ETS1: variants seen among roughly 807,000 people sequenced by gnomAD.
ETS1 encodes protein C-ets-1.
In ETS1, 15 loss-of-function variants were observed where a neutral mutation model predicts 58.6. The observed-to-expected ratio is 0.26, with a 90% CI of 0.17 to 0.39. The LOEUF is 0.39. ETS1 is among the 10% of genes least tolerant of loss of function. ETS1 has a pLI of 1.00. For synonymous variants in ETS1, 214 were observed against 218.2 expected (o/e 0.98, Z 0.17); for missense variants, 417 against 610.5 (o/e 0.68, Z 3.34).
At chr11:128,552,134 A>T (rs964883052) in intron 3 of ETS1, among the ~76,000 whole-genome samples, 4 of 152,014 alleles carry the variant, frequency 2.6e-5, no homozygotes, top group African/African-American at 9.7e-5. Flanking sequence ...ATGCTTGGAG[A>T]ATCATTGGTA....
At chr11:128,475,556 C>CTT (rs35049593) in intron 8 of ETS1, among the ~76,000 whole-genome samples, 36,805 of 109,264 alleles carry the variant, frequency 0.34, 7,548 homozygotes, top group East Asian at 0.52. Flanking sequence ...ATGCACAGGG[C>CTT]TTTTTTTTTT....
chr11:128,568,126 T>G (rs955838473), intron 2 of ETS1, among the ~76,000 whole-genome samples: 1 of 152,182 alleles, frequency 6.6e-6, no homozygotes, highest in Non-Finnish European at 1.5e-5. Flanking sequence ...TCCCAAAGTC[T>G]GTGGCTCTGG....
intron 2 of ETS1, among the ~76,000 whole-genome samples, chr11:128,559,549 C>T (rs1864371807): frequency 2.0e-5 from 3 of 152,086 alleles, no homozygotes. Flanking sequence ...TGTAACTGTC[C>T]TCCGTGGAGC....
intron 3 of ETS1, among the ~76,000 whole-genome samples, chr11:128,551,183 C>T (rs189009644): frequency 6.0e-4 from 92 of 152,338 alleles, no homozygotes; most frequent in African/African-American, 2.1e-3. Flanking sequence ...AAACCACAGA[C>T]CTGCCATAAG....
chr11:128,572,284 A>G (rs1240442445), intron 2 of ETS1: 3 of 152,006 alleles, frequency 2.0e-5, no homozygotes, highest in Admixed American at 6.6e-5. Context: ...AGAAAAAAAT[A>G]AATAAAATAA....
At chr11:128,470,819 T>G (rs1008831212) in intron 8 of ETS1, among the ~76,000 whole-genome samples, 3 of 152,130 alleles carry the variant, frequency 2.0e-5, no homozygotes. Context: ...AGTATACGAA[T>G]GTAAAAATTT....
At chr11:128,471,800 G>T (rs1862195130) in intron 8 of ETS1, among the ~76,000 whole-genome samples, 1 of 152,184 alleles carries the variant, frequency 6.6e-6, no homozygotes, top group Admixed American at 6.5e-5. Flanking sequence ...ACTGATCAGG[G>T]TTAGAAAACA....
intron 3 of ETS1, among the ~76,000 whole-genome samples, chr11:128,518,597 C>G (rs73030719): frequency 0.16 from 23,828 of 152,218 alleles, 2,020 homozygotes; most frequent in Middle Eastern, 0.27. Context: ...AGATTCAAAT[C>G]CAGACAGGCT....
chr11:128,522,408 T>A (rs1863707720), intron 3 of ETS1: 3 of 949,372 alleles, frequency 3.2e-6, no homozygotes. Context: ...CCGCGCGCCC[T>A]GGGCCGGGCG....
At position 128,541,180 on chromosome 11, in the gene ETS1, C is replaced by G. The variant is rs189945579; in HGVS notation, c.214+15111G>C. On this transcript the variant is annotated intron_variant, in intron 3 of 9. Coordinates refer to ENST00000392668, the MANE Select transcript of ETS1 (RefSeq NM_001143820.2). Reference sequence around the variant, plus strand: ...ACCAGCTCTGCAGCTTGGCTGTGTCCGTCTCAGCACGGCAGCCAGGTTGCG... The same window carrying G: ...ACCAGCTCTGCAGCTTGGCTGTGTCGGTCTCAGCACGGCAGCCAGGTTGCG... Among the ~76,000 whole-genome samples the G allele has an allele frequency of 5.2e-3, 793 of 152,284 alleles. 4 individuals are homozygous for G. The highest frequency in any genetic ancestry group is 0.021 in the South Asian group (103 of 4,828).
intron 3 of ETS1, among the ~76,000 whole-genome samples, chr11:128,496,864 C>A (rs892604973): frequency 6.6e-6 from 1 of 152,032 alleles, no homozygotes; most frequent in African/African-American, 2.4e-5. Context: ...AGGGAAGTGT[C>A]CCTCCTCAGC....
intron 8 of ETS1, among the ~76,000 whole-genome samples, chr11:128,465,481 A>C (rs1314245695): frequency 6.6e-6 from 1 of 152,142 alleles, no homozygotes; most frequent in Non-Finnish European, 1.5e-5. Context: ...GGGCTCACAA[A>C]ACTAACCGTG....
chr11:128,576,497 T>C (rs1012183894), intron 1 of ETS1, among the ~76,000 whole-genome samples: 3 of 152,110 alleles, frequency 2.0e-5, no homozygotes, highest in Non-Finnish European at 4.4e-5. Context: ...ATCTGAAGAT[T>C]TACTCCCCAG....
chr11:128,483,353 C>T (rs77464696), intron 7 of ETS1, among the ~76,000 whole-genome samples: 2 of 152,198 alleles, frequency 1.3e-5, no homozygotes, highest in East Asian at 1.9e-4. Context: ...GACAGGAGAT[C>T]GACCCAAAGT....
At chr11:128,562,677 G>A (rs1183422301) in intron 2 of ETS1, among the ~76,000 whole-genome samples, 2 of 152,180 alleles carry the variant, frequency 1.3e-5, no homozygotes, top group African/African-American at 4.8e-5. Flanking sequence ...ACACACCTTG[G>A]TCCTGCTCTG....
chr11:128,548,132 A>AAGGGAAGGG (rs1864161580), intron 3 of ETS1, among the ~76,000 whole-genome samples: 3 of 84,006 alleles, frequency 3.6e-5, no homozygotes, highest in African/African-American at 1.8e-4. Context: ...AAAGGAAAGG[A>AAGGGAAGGG]AAGGGAAGGG....
At chr11:128,531,843 A>G (rs565634474) in intron 3 of ETS1, among the ~76,000 whole-genome samples, 1 of 152,330 alleles carries the variant, frequency 6.6e-6, no homozygotes, top group Admixed American at 6.5e-5. Context: ...TCTGGGAAGA[A>G]TCCCACATGC....
chr11:128,559,440 T>A lies in ETS1; in HGVS notation c.70-3005A>T, dbSNP rs1864369582. Among the ~76,000 whole-genome samples the A allele has an allele frequency of 2.0e-5, 3 of 152,220 alleles. No homozygotes were observed. The South Asian group carries it at 6.2e-4, about 32-fold the overall frequency. ...CAGCTTGATTTTATGTGGTTGGTTT[T>A]TTTCCTGGAGTCTCTTCTGCCCACA... On this transcript the variant is annotated intron_variant, in intron 2 of 9. Transcript: ENST00000392668.
chr11:128,515,243 ATCTC>A (rs746259364), intron 3 of ETS1, among the ~76,000 whole-genome samples: 3 of 150,444 alleles, frequency 2.0e-5, no homozygotes, highest in Non-Finnish European at 4.4e-5. Flanking sequence ...AGTTCATTTT[ATCTC>A]TCTGTCACAC....
Sources: gnomAD v4.1 joint callset for allele counts (sites outside exome capture counted in the v4.1 genomes callset) on GRCh38, gnomAD v4.1.1 for gene constraint, MANE v1.5 for transcripts, NCBI Gene and HGNC (gene_info 2026-07-23, HGNC 2026-07-21) for gene names.